The following ZNF383 variants were observed in gnomAD, a reference collection of about 807,000 sequenced individuals.
ZNF383 encodes zinc finger protein 383.
In ZNF383, 32 loss-of-function variants were observed where a neutral mutation model predicts 44.2. The ratio of observed to expected loss-of-function variants is 0.72; its 90% CI spans 0.55 to 0.97. The LOEUF is 0.97. Ranked by LOEUF, ZNF383 falls within the 50% of genes least tolerant of loss-of-function variation. The pLI, the probability that ZNF383 is intolerant of heterozygous loss-of-function variation, is 0.00. For synonymous variants in ZNF383, 155 were observed against 186.2 expected (o/e 0.83, Z 1.36); for missense variants, 487 against 562.5 (o/e 0.87, Z 1.36).
intron 2 of ZNF383, chr19:37,226,810 T>G (rs765590220): frequency 6.6e-6 from 1 of 152,156 alleles, no homozygotes; most frequent in Non-Finnish European, 1.5e-5. Flanking sequence ...AGTCGTATTT[T>G]TAAAATTTAT....
At chr19:37,240,035 T>A (rs1974004581) in intron 5 of ZNF383, among the ~76,000 whole-genome samples, 1 of 151,978 alleles carries the variant, frequency 6.6e-6, no homozygotes, top group South Asian at 2.1e-4. Context: ...GGTGCACGCC[T>A]GTAGTCCCAG....
rs1031243302 is a variant in ZNF383, at chr19:37,244,828, T to A, written c.*1164T>A. On this transcript the variant is annotated 3_prime_UTR_variant, in exon 6 of 6. Transcript: ENST00000684119. ...AAAATCGTGCTATACTTTGCTTTTTTAAGAAAGTGTAATTATGATATGCAT... is the reference window on the plus strand; with the variant it reads ...AAAATCGTGCTATACTTTGCTTTTTAAAGAAAGTGTAATTATGATATGCAT... The A allele has an allele frequency of 2.0e-5, 3 of 152,230 alleles. No homozygotes were observed. The highest frequency in any genetic ancestry group is 2.0e-4 in the Admixed American group (3 of 15,284). 9.4% of individuals were successfully genotyped at this position (152,230 alleles called of 1,614,324 possible).
At chr19:37,220,035 T>C (rs1348461750) in intron 1 of ZNF383, among the ~76,000 whole-genome samples, 2 of 152,172 alleles carry the variant, frequency 1.3e-5, no homozygotes, top group East Asian at 3.8e-4. Context: ...CCAAAGAATT[T>C]AGAAAATAGG....
At chr19:37,219,872 C>T (rs1972836574) in intron 1 of ZNF383, 1 of 152,152 alleles carries the variant, frequency 6.6e-6, no homozygotes, top group Non-Finnish European at 1.5e-5. Flanking sequence ...GGAGTGGACT[C>T]AGAGATCCCA....
At chr19:37,233,290 C>T (rs1973594734) in intron 3 of ZNF383, among the ~76,000 whole-genome samples, 3 of 151,550 alleles carry the variant, frequency 2.0e-5, no homozygotes, top group Non-Finnish European at 2.9e-5. Flanking sequence ...GCCACCACGC[C>T]CAGCTAATTT....
chr19:37,243,109 T>C lies in ZNF383; in HGVS notation c.873T>C (p.Phe291=), dbSNP rs780238355. The C allele has an allele frequency of 5.0e-6, 8 of 1,614,004 alleles. No individual in the cohort carries two copies. In the Admixed American group the frequency reaches 1.0e-4, roughly 20 times the overall value. The stretch of plus-strand genomic sequence containing the variant: ...AATGTAAAGTATGTGGGAAAGCCTT[T>C]ACTAAGAGCTCACAACTTTTTCAGC... ...PYECKVCGKA[F]TKSSQLFQHA... Residue 291 remains phenylalanine (F), a synonymous_variant, in exon 6 of 6, where the codon TTT becomes TTC. Transcript: ENST00000684119.
intron 1 of ZNF383, among the ~76,000 whole-genome samples, chr19:37,220,902 A>G (rs1420999363): frequency 6.6e-6 from 1 of 152,074 alleles, no homozygotes; most frequent in Non-Finnish European, 1.5e-5. Flanking sequence ...GTACTGTATG[A>G]TGTTGTTTTG....
chr19:37,247,921 G>T lies in ZNF383; in HGVS notation c.*4257G>T, dbSNP rs1974426935. The T allele has an allele frequency of 6.6e-6, 1 of 152,174 alleles. No individual in the cohort carries two copies. Among genetic ancestry groups the T allele is most frequent in the South Asian group, 2.1e-4 (1 of 4,828 alleles). The allele number at this position is 152,174 out of a possible 1,614,324, so 9.4% of individuals were successfully genotyped here. On this transcript the variant is annotated 3_prime_UTR_variant, in exon 6 of 6. Transcript: ENST00000684119. ...AGGCCAAGGCGGGTGGATCACCTGA[G>T]GTCGGGGATTTGAGACCAGCCTGAC...
chr19:37,220,764 T>C (rs1487627474), intron 1 of ZNF383, among the ~76,000 whole-genome samples: 5 of 152,176 alleles, frequency 3.3e-5, no homozygotes, highest in Non-Finnish European at 7.4e-5. Flanking sequence ...ATCCTGACTT[T>C]GATAATCGTT....
At position 37,230,472 on chromosome 19, in the gene ZNF383, T is replaced by C. The variant is rs1323283034; in HGVS notation, c.9+10T>C. 2 of 1,612,186 alleles carry C rather than the reference T, an allele frequency of 1.2e-6. No homozygotes were observed. Among genetic ancestry groups the C allele is most frequent in the Non-Finnish European group, 8.5e-7 (1 of 1,179,690 alleles). ...AGAAGCCATGGCTGAGGTGAGTTGATGCTTTTTCTTGCCTTCCTGACATTT... is the reference window on the plus strand; with the variant it reads ...AGAAGCCATGGCTGAGGTGAGTTGACGCTTTTTCTTGCCTTCCTGACATTT... On this transcript the variant is annotated intron_variant, in intron 3 of 5. Coordinates refer to ENST00000684119, the MANE Select transcript of ZNF383 (RefSeq NM_001387601.1).
chr19:37,230,503 A>G, intron 3 of ZNF383, 41 bp downstream of exon 3: 1 of 344,182 alleles, frequency 2.9e-6, no homozygotes, highest in Non-Finnish European at 4.0e-6. Context: ...CATTTAGTTT[A>G]AAAAAAAAAA....
At chr19:37,236,998 GAC>G (rs138267448) in intron 5 of ZNF383, among the ~76,000 whole-genome samples, 7 of 125,212 alleles carry the variant, frequency 5.6e-5, no homozygotes, top group East Asian at 2.6e-4. Context: ...CACACACAGA[GAC>G]ACACACACAC....
chr19:37,229,782 G>T (rs1027105043), intron 2 of ZNF383, among the ~76,000 whole-genome samples: 1 of 122,306 alleles, frequency 8.2e-6, no homozygotes, highest in African/African-American at 3.3e-5. Context: ...ATATATATGT[G>T]TGTGTATATA....
intron 5 of ZNF383, among the ~76,000 whole-genome samples, chr19:37,241,261 A>G (rs1974069842): frequency 6.6e-6 from 1 of 152,216 alleles, no homozygotes; most frequent in East Asian, 1.9e-4. Flanking sequence ...TGCCAGCTGC[A>G]AGTCTTGGGA....
intron 3 of ZNF383, among the ~76,000 whole-genome samples, chr19:37,235,142 G>A (rs993852367): frequency 6.6e-6 from 1 of 152,106 alleles, no homozygotes; most frequent in African/African-American, 2.4e-5. Flanking sequence ...GTGTGGTGGT[G>A]CGTGCCTGTA....
rs1974279531 is a variant in ZNF383, at chr19:37,244,377, C to G, written c.*713C>G. 6.6e-6 allele frequency: 1 copy of G among 150,700 alleles called. No homozygotes were observed. The highest frequency in any genetic ancestry group is 1.5e-5 in the Non-Finnish European group (1 of 68,506). The allele number at this position is 150,700 out of a possible 1,614,324, so 9.3% of individuals were successfully genotyped here. On this transcript the variant is annotated 3_prime_UTR_variant, in exon 6 of 6. Transcript: ENST00000684119. ...GGATTACAGGCATGAGCGATTGCAC[C>G]TGGCTTTATTTTTTGTTGAGACGGA...
At chr19:37,233,894 C>T (rs910360224) in intron 3 of ZNF383, among the ~76,000 whole-genome samples, 4 of 150,914 alleles carry the variant, frequency 2.7e-5, no homozygotes, top group Admixed American at 6.6e-5. Context: ...GACGGAGTTT[C>T]GCTTTTATCG....
chr19:37,225,790 A>AGT (rs1599782788), intron 2 of ZNF383, among the ~76,000 whole-genome samples: 3 of 147,372 alleles, frequency 2.0e-5, no homozygotes, highest in Non-Finnish European at 1.5e-5. Flanking sequence ...ATTCAGTTTA[A>AGT]ATTTTTTTTT....
At chr19:37,229,688 G>GTA (rs529013141) in intron 2 of ZNF383, among the ~76,000 whole-genome samples, 3,385 of 116,986 alleles carry the variant, frequency 0.029, 157 homozygotes, top group African/African-American at 0.12. Flanking sequence ...ATATGTGTGT[G>GTA]TATATATATG....
Sources: gnomAD v4.1 joint callset for allele counts (sites outside exome capture counted in the v4.1 genomes callset) on GRCh38, gnomAD v4.1.1 for gene constraint, MANE v1.5 for transcripts, NCBI Gene and HGNC (gene_info 2026-07-23, HGNC 2026-07-21) for gene names.